ZMIZ1: variants seen among roughly 807,000 people sequenced by gnomAD.
The protein encoded by ZMIZ1 is zinc finger MIZ domain-containing protein 1.
Under a neutral mutation model 113.9 loss-of-function variants are expected in ZMIZ1, and 17 were observed. The observed-to-expected ratio is 0.15, with a 90% CI of 0.10 to 0.22. ZMIZ1 has a LOEUF of 0.22. Among genes scored for constraint, ZMIZ1 ranks in the 10% least tolerant of loss-of-function variants. The probability of loss-of-function intolerance (pLI) is 1.00; values close to 1 mark genes in which losing one functional copy is unlikely to be tolerated. For synonymous variants in ZMIZ1, 607 were observed against 603.1 expected (o/e 1.01, Z -0.09); for missense variants, 1,059 against 1,477.8 (o/e 0.72, Z 4.65).
At chr10:79,284,987 G>C (rs1004966479) in intron 8 of ZMIZ1, among the ~76,000 whole-genome samples, 1 of 152,116 alleles carries the variant, frequency 6.6e-6, no homozygotes, top group Admixed American at 6.6e-5. Context: ...CGTGCTAGGC[G>C]ACTTCCCCAA....
chr10:79,300,668 G>A, intron 16 of ZMIZ1, 64 bp from the exon 17 acceptor site: 2 of 1,525,426 alleles, frequency 1.3e-6, no homozygotes, highest in African/African-American at 1.4e-5. Context: ...CCTGGCTCGG[G>A]GTCACGGAGG....
intron 1 of ZMIZ1, among the ~76,000 whole-genome samples, chr10:79,071,627 C>G (rs1200680912): frequency 6.6e-6 from 1 of 152,206 alleles, no homozygotes; most frequent in African/African-American, 2.4e-5. Flanking sequence ...CCCTCACTTG[C>G]TGGCTCCTGG....
chr10:79,258,842 G>A (rs146475208), intron 7 of ZMIZ1, among the ~76,000 whole-genome samples: 25 of 152,338 alleles, frequency 1.6e-4, no homozygotes, highest in African/African-American at 5.8e-4. Context: ...TGGAGTGGGT[G>A]ATGGAAGGAA....
chr10:79,179,315 T>C (rs1005581262), intron 4 of ZMIZ1, among the ~76,000 whole-genome samples: 4 of 152,180 alleles, frequency 2.6e-5, no homozygotes, highest in African/African-American at 9.7e-5. Flanking sequence ...TCTGTCTGGA[T>C]CCCTAGGGAC....
intron 3 of ZMIZ1, among the ~76,000 whole-genome samples, chr10:79,156,020 G>A (rs1274170607): frequency 6.6e-6 from 1 of 152,230 alleles, no homozygotes; most frequent in Non-Finnish European, 1.5e-5. Flanking sequence ...AGCACCCTGG[G>A]GAAGCACAAA....
intron 11 of ZMIZ1, among the ~76,000 whole-genome samples, chr10:79,293,152 CT>C (rs1853625429): frequency 6.8e-6 from 1 of 147,796 alleles, no homozygotes; most frequent in Non-Finnish European, 1.5e-5. Flanking sequence ...ACCCCATCCC[CT>C]AACACCCCTG....
At chr10:79,134,171 C>T (rs761895720) in intron 2 of ZMIZ1, among the ~76,000 whole-genome samples, 8 of 152,150 alleles carry the variant, frequency 5.3e-5, no homozygotes, top group Non-Finnish European at 1.2e-4. Context: ...AGCCCGGGGT[C>T]ACCAGGAGCA....
chr10:79,261,253 C>T (rs1057015894), intron 7 of ZMIZ1, among the ~76,000 whole-genome samples: 2 of 152,232 alleles, frequency 1.3e-5, no homozygotes, highest in South Asian at 2.1e-4. Flanking sequence ...GGTGCGCGCT[C>T]AGCTCAGGCC....
chr10:79,201,793 C>A (rs544295304), intron 5 of ZMIZ1, 101 bp downstream of exon 5: 1 of 1,274,074 alleles, frequency 7.8e-7, no homozygotes, highest in African/African-American at 1.5e-5. Flanking sequence ...GGCAGGGCCT[C>A]CTGACCACCT....
At chr10:79,297,183 G>C (rs1020887780) in intron 13 of ZMIZ1, among the ~76,000 whole-genome samples, 1 of 152,088 alleles carries the variant, frequency 6.6e-6, no homozygotes, top group African/African-American at 2.4e-5. Context: ...TTAGGTATTT[G>C]GGTTGCTTCT....
At chr10:79,300,644 T>A in intron 16 of ZMIZ1, 88 bp from the exon 17 acceptor site, 1 of 1,477,606 alleles carries the variant, frequency 6.8e-7, no homozygotes, top group Non-Finnish European at 9.2e-7. Flanking sequence ...TGTGGTGTGT[T>A]TAGAGGTGTG....
chr10:79,096,874 G>A (rs1377558827), intron 1 of ZMIZ1, among the ~76,000 whole-genome samples: 1 of 152,216 alleles, frequency 6.6e-6, no homozygotes, highest in East Asian at 1.9e-4. Context: ...CAAACAGGGT[G>A]CTGAATAGAA....
At chr10:79,109,074 G>A (rs1167674164) in intron 1 of ZMIZ1, among the ~76,000 whole-genome samples, 1 of 152,130 alleles carries the variant, frequency 6.6e-6, no homozygotes, top group Non-Finnish European at 1.5e-5. Flanking sequence ...GGTGTGCCCA[G>A]GTGCACACAT....
At position 79,316,284 on chromosome 10, in the gene ZMIZ1, A is replaced by G. The variant is rs1855529763; in HGVS notation, c.*3535A>G. The G allele has an allele frequency of 6.6e-6, 1 of 152,642 alleles. No homozygotes were observed. The highest frequency in any genetic ancestry group is 1.5e-5 in the Non-Finnish European group (1 of 68,040). 9.5% of individuals were successfully genotyped at this position (152,642 alleles called of 1,614,324 possible). A position where few individuals can be genotyped will look rare whatever the true frequency, so the allele number is the denominator to read the frequency against. ...CATACTTTAAACTGGTCAAAAAACTAATTGTGATTTCTAGTCTTGCAAAGC... is the reference window on the plus strand; with the variant it reads ...CATACTTTAAACTGGTCAAAAAACTGATTGTGATTTCTAGTCTTGCAAAGC... On this transcript the variant is annotated 3_prime_UTR_variant, in exon 25 of 25. Transcript: ENST00000334512.
intron 1 of ZMIZ1, among the ~76,000 whole-genome samples, chr10:79,088,633 G>A (rs1301521341): frequency 6.6e-6 from 1 of 152,110 alleles, no homozygotes; most frequent in African/African-American, 2.4e-5. Flanking sequence ...GCTGCAAGGA[G>A]GCTTAGGGGT....
intron 5 of ZMIZ1, among the ~76,000 whole-genome samples, chr10:79,202,579 A>T (rs1848149366): frequency 6.6e-6 from 1 of 152,218 alleles, no homozygotes; most frequent in Non-Finnish European, 1.5e-5. Context: ...GGAAGACCTA[A>T]TTCCAGTGAG....
Position 79,312,804 on chromosome 10 carries a change from A to C in ZMIZ1, c.*55A>C. 6.5e-7 allele frequency: 1 copy of C among 1,548,126 alleles called. No homozygotes were observed. The highest frequency in any genetic ancestry group is 8.9e-7 in the Non-Finnish European group (1 of 1,121,854). On this transcript the variant is annotated 3_prime_UTR_variant, in exon 25 of 25. Coordinates refer to ENST00000334512, the MANE Select transcript of ZMIZ1 (RefSeq NM_020338.4). ...ACTCTGCATCCTACCCCACCTACCC[A>C]ACACACTTTTCCACCTGGGAGCCTG...
chr10:79,165,976 G>GGGCTCTTCCTGCAGCTCAGC (rs1564692835), intron 4 of ZMIZ1, among the ~76,000 whole-genome samples: 2 of 150,460 alleles, frequency 1.3e-5, no homozygotes, highest in African/African-American at 2.5e-5. Flanking sequence ...GTGTGTGTGT[G>GGGCTCTTCCTGCAGCTCAGC]TGTGTGTGTG....
In ZMIZ1 at chr10:79,277,086, T is replaced by C. The variant is rs1047641734; in HGVS notation, c.281-95T>C. The C allele has an allele frequency of 2.1e-6, 3 of 1,403,928 alleles. No homozygotes were observed. In the Admixed American group the frequency reaches 8.7e-5, roughly 41 times the overall value. 87.0% of individuals were successfully genotyped at this position (1,403,928 alleles called of 1,614,324 possible). Reference sequence around the variant, plus strand: ...CACGAATCTGGGAGCAAAACCAGCATGGATAGCACCCAGTCTGGGGAGAGT... The same window carrying C: ...CACGAATCTGGGAGCAAAACCAGCACGGATAGCACCCAGTCTGGGGAGAGT... On this transcript the variant is annotated intron_variant, in intron 7 of 24. Coordinates refer to ENST00000334512, the MANE Select transcript of ZMIZ1 (RefSeq NM_020338.4).
Sources: gnomAD v4.1 joint callset for allele counts (sites outside exome capture counted in the v4.1 genomes callset) on GRCh38, gnomAD v4.1.1 for gene constraint, MANE v1.5 for transcripts, NCBI Gene and HGNC (gene_info 2026-07-23, HGNC 2026-07-21) for gene names.